The following HLTF variants were observed in gnomAD, a reference collection of about 807,000 sequenced individuals.
HLTF encodes helicase like transcription factor.
A neutral mutation model predicts 129.4 loss-of-function variants in HLTF; 127 were observed. The ratio of observed to expected loss-of-function variants is 0.98; its 90% CI spans 0.85 to 1.14. The LOEUF (loss-of-function observed/expected upper bound fraction) is 1.14, where lower values mean the gene tolerates loss of function less well. Among genes scored for constraint, HLTF ranks in the 50% most tolerant of loss-of-function variants. The pLI is 0.00. For synonymous variants in HLTF, 332 were observed against 388.8 expected (o/e 0.85, Z 1.72); for missense variants, 1,139 against 1,187.1 (o/e 0.96, Z 0.60).
rs551893609 is a variant in HLTF at position 149,067,610 on chromosome 3, C to T, written c.990+630G>A. ...CTCAAACTCCTGGGCTCCAGCAATC[C>T]TCCTGCTTCAGCCTCCCAAGTAGGT... On this transcript the variant is annotated intron_variant, in intron 8 of 24. Transcript: ENST00000310053. Among the ~76,000 whole-genome samples the T allele has an allele frequency of 3.9e-5, 6 of 152,052 alleles. 1 individual carries two copies. Among genetic ancestry groups the T allele is most frequent in the African/African-American group, 1.4e-4 (6 of 41,464 alleles).
At chr3:149,078,133 A>C (rs866984802) in intron 2 of HLTF, among the ~76,000 whole-genome samples, 5 of 151,934 alleles carry the variant, frequency 3.3e-5, no homozygotes, top group Admixed American at 2.0e-4. Flanking sequence ...CAAGACATGC[A>C]AAAAAAATAA....
intron 14 of HLTF, among the ~76,000 whole-genome samples, chr3:149,051,667 C>T (rs1717010449): frequency 6.6e-6 from 1 of 152,180 alleles, no homozygotes; most frequent in South Asian, 2.1e-4. Context: ...TCGAGACCAG[C>T]CTAGCCAACA....
chr3:149,071,166 T>A (rs1341700148), intron 7 of HLTF, 86 bp downstream of exon 7: 1 of 806,364 alleles, frequency 1.2e-6, no homozygotes, highest in African/African-American at 1.7e-5. Context: ...ACCAACATAT[T>A]CCTATCTCTT....
chr3:149,064,762 T>C, intron 9 of HLTF, 29 bp downstream of exon 9: 6 of 1,306,734 alleles, frequency 4.6e-6, no homozygotes, highest in Non-Finnish European at 6.6e-6. Context: ...CCAGATCAAA[T>C]ATTGGATCAT....
chr3:149,051,990 C>T (rs1419627024), intron 14 of HLTF: 3 of 151,868 alleles, frequency 2.0e-5, no homozygotes, highest in Non-Finnish European at 4.4e-5. Flanking sequence ...CCCATCTCTA[C>T]TAAAAAAACA....
At chr3:149,037,899 C>G (rs541665122) in intron 23 of HLTF, among the ~76,000 whole-genome samples, 1 of 152,196 alleles carries the variant, frequency 6.6e-6, no homozygotes, top group African/African-American at 2.4e-5. Context: ...TATGTGAATG[C>G]ACGTCCAGGT....
chr3:149,086,250 G>C (rs768221517), intron 1 of HLTF, 67 bp downstream of exon 1: 22 of 1,509,906 alleles, frequency 1.5e-5, no homozygotes, highest in Non-Finnish European at 2.0e-5. Context: ...CGCGGGGAAG[G>C]TCAGGTTCAT....
intron 14 of HLTF, among the ~76,000 whole-genome samples, chr3:149,051,490 G>C (rs1716991630): frequency 6.6e-6 from 1 of 152,194 alleles, no homozygotes; most frequent in Admixed American, 6.5e-5. Flanking sequence ...GTTAGGGACA[G>C]AGTCTACAGA....
chr3:149,051,083 G>A (rs1381675132), intron 14 of HLTF, among the ~76,000 whole-genome samples: 1 of 152,088 alleles, frequency 6.6e-6, no homozygotes, highest in Non-Finnish European at 1.5e-5. Context: ...GGAACAGGGT[G>A]GAAAGGACAG....
In HLTF at chr3:149,082,691, T is replaced by A. The variant is rs1345919674; in HGVS notation, c.228+1991A>T. ...ACATCTCAATAAAGTAGAAAAAAAA[T>A]TAAAATAACAAGTATGCAAAGATAG... On this transcript the variant is annotated intron_variant, in intron 2 of 24. Coordinates refer to ENST00000310053, the MANE Select transcript of HLTF (RefSeq NM_003071.4). Among the ~76,000 whole-genome samples the A allele has an allele frequency of 2.0e-5, 3 of 152,064 alleles. No individual in the cohort carries two copies. In the East Asian group the frequency reaches 5.8e-4, roughly 29 times the overall value.
intron 9 of HLTF, 42 bp downstream of exon 9, chr3:149,064,749 T>C: frequency 8.6e-7 from 1 of 1,160,160 alleles, no homozygotes; most frequent in South Asian, 1.3e-5. Flanking sequence ...AAATTAAAGT[T>C]TACCAGATCA....
At chr3:149,060,958 T>C in intron 10 of HLTF, 100 bp from the exon 11 acceptor site, 2 of 813,348 alleles carry the variant, frequency 2.5e-6, no homozygotes, top group African/African-American at 3.5e-5. Context: ...TTTGTCCTAC[T>C]CATTTATTTT....
chr3:149,064,680 C>T (rs1718207498), intron 9 of HLTF, 111 bp downstream of exon 9: 2 of 733,670 alleles, frequency 2.7e-6, no homozygotes, highest in Admixed American at 2.2e-5. Flanking sequence ...AGTACAAAGC[C>T]AAAACTAGAA....
chr3:149,069,647 C>G (rs1488686315), intron 7 of HLTF, among the ~76,000 whole-genome samples: 1 of 152,076 alleles, frequency 6.6e-6, no homozygotes, highest in Admixed American at 6.6e-5. Flanking sequence ...AAAAATCACT[C>G]AAGATGGGAG....
chr3:149,079,711 G>A (rs566425911), intron 2 of HLTF, among the ~76,000 whole-genome samples: 1 of 152,242 alleles, frequency 6.6e-6, no homozygotes, highest in South Asian at 2.1e-4. Context: ...TCCTGCCTCA[G>A]CCTCCCAAGT....
chr3:149,072,917 T>G (rs1286084425), intron 5 of HLTF, among the ~76,000 whole-genome samples: 2 of 152,198 alleles, frequency 1.3e-5, no homozygotes, highest in Non-Finnish European at 2.9e-5. Flanking sequence ...GCTTCAATTT[T>G]TTTCTTAAAA....
chr3:149,053,883 A>G (rs1323954399), intron 14 of HLTF, among the ~76,000 whole-genome samples: 1 of 152,228 alleles, frequency 6.6e-6, no homozygotes, highest in Non-Finnish European at 1.5e-5. Flanking sequence ...CTGCCATTCA[A>G]GTACCCATGT....
At chr3:149,041,275 A>G (rs1390017177) in intron 20 of HLTF, among the ~76,000 whole-genome samples, 1 of 152,178 alleles carries the variant, frequency 6.6e-6, no homozygotes, top group African/African-American at 2.4e-5. Flanking sequence ...GCAATGATAT[A>G]AACAGCGGAA....
Position 149,040,122 on chromosome 3 carries a change from A to G in HLTF, c.2411T>C (p.Ile804Thr), listed in dbSNP as rs61750365. 5,348 of 1,609,312 alleles carry G rather than the reference A, an allele frequency of 3.3e-3. 11 individuals carry two copies. The highest frequency in any genetic ancestry group is 4.0e-3 in the Non-Finnish European group (4,702 of 1,177,936). ...ACATTCTAATAAATTATCTTCATGT[A>G]TATCATTTCTGCATAAAGGGCATTT... ...HAKCPLCRND[I>T]HEDNLLECPP... Residue 804 changes from isoleucine to threonine, a missense_variant, in exon 21 of 25, where the codon ATA becomes ACA. Transcript: ENST00000310053.
Sources: gnomAD v4.1 joint callset for allele counts (sites outside exome capture counted in the v4.1 genomes callset) on GRCh38, gnomAD v4.1.1 for gene constraint, MANE v1.5 for transcripts, NCBI Gene and HGNC (gene_info 2026-07-23, HGNC 2026-07-21) for gene names.